Variants in GALNT2 observed in about 807,000 individuals in gnomAD.
The protein encoded by GALNT2 is UDP-GalNAc:polypeptide N-acetylgalactosaminyltransferase 2.
GALNT2 carries 31 observed loss-of-function variants against 81.4 expected under a neutral mutation model. The observed-to-expected ratio is 0.38, with a 90% CI of 0.29 to 0.51. The LOEUF is 0.51. GALNT2 is among the 20% of genes least tolerant of loss of function. The probability of loss-of-function intolerance (pLI) is 0.87; values close to 1 mark genes in which losing one functional copy is unlikely to be tolerated. For missense variants in GALNT2, 629 were observed against 765.7 expected, an observed-to-expected ratio of 0.82 and a Z score of 2.11; for synonymous variants, 303 against 287.4, an observed-to-expected ratio of 1.05 and a Z score of -0.55.
Position 230,139,846 on chromosome 1 carries a change from C to T in GALNT2, c.127-38372C>T, listed in dbSNP as rs1205700882. On this transcript the variant is annotated intron_variant, in intron 1 of 15. Transcript: ENST00000366672. Reference sequence around the variant, plus strand: ...AGAGTTGTTTTGCTTTGGGCTGTTGCGGAAATAATCTACTTGGAATGAAGT... The same window carrying T: ...AGAGTTGTTTTGCTTTGGGCTGTTGTGGAAATAATCTACTTGGAATGAAGT... Among the ~76,000 whole-genome samples, 8 of 152,278 alleles carry T rather than the reference C, an allele frequency of 5.3e-5. No homozygotes were observed. The East Asian group carries it at 7.7e-4, about 15-fold the overall frequency.
At chr1:230,166,775 T>G (rs4846840) in intron 1 of GALNT2, among the ~76,000 whole-genome samples, 96,847 of 152,156 alleles carry the variant, frequency 0.64, 34,005 homozygotes, top group Non-Finnish European at 0.79. Context: ...CAACTGAAGT[T>G]TGAGGTTTCT....
At chr1:230,128,859 C>G (rs953757145) in intron 1 of GALNT2, among the ~76,000 whole-genome samples, 75 of 152,316 alleles carry the variant, frequency 4.9e-4, no homozygotes, top group African/African-American at 1.6e-3. Context: ...AGGGCACCTG[C>G]GCTTTCTGGT....
intron 1 of GALNT2, among the ~76,000 whole-genome samples, chr1:230,134,688 CA>C (rs1248177561): frequency 6.6e-6 from 1 of 152,196 alleles, no homozygotes; most frequent in East Asian, 1.9e-4. Flanking sequence ...AGACATTTCA[CA>C]GTTGTACTCT....
At chr1:230,226,220 G>T (rs942753627) in intron 3 of GALNT2, among the ~76,000 whole-genome samples, 5 of 152,190 alleles carry the variant, frequency 3.3e-5, no homozygotes, top group Non-Finnish European at 5.9e-5. Flanking sequence ...TGAAACAACA[G>T]ACCTTCCTGC....
At position 230,171,916 on chromosome 1, in the gene GALNT2, T is replaced by C. The variant is rs117423989; in HGVS notation, c.127-6302T>C. Among the ~76,000 whole-genome samples, 132 of 151,746 alleles carry C rather than the reference T, an allele frequency of 8.7e-4. No individual in the cohort carries two copies. The East Asian group carries it at 0.025, about 29-fold the overall frequency. ...TGGGCTTCCAACACCTCACAGCCCC[T>C]GCCCCCCACCCCTGTCCCACACAAA... is the stretch of plus-strand genomic sequence containing the variant. On this transcript the variant is annotated intron_variant, in intron 1 of 15. Transcript: ENST00000366672.
At chr1:230,207,097 T>A (rs1255433839) in intron 3 of GALNT2, among the ~76,000 whole-genome samples, 1 of 152,016 alleles carries the variant, frequency 6.6e-6, no homozygotes, top group Non-Finnish European at 1.5e-5. Context: ...GTATCCAGGG[T>A]TGTTATTCAG....
At chr1:230,214,115 CT>C (rs60360198) in intron 3 of GALNT2, among the ~76,000 whole-genome samples, 60 of 145,234 alleles carry the variant, frequency 4.1e-4, no homozygotes, top group South Asian at 1.1e-3. Flanking sequence ...CTTAACTTTA[CT>C]TTTTTTTTTT....
At chr1:230,098,839 A>G (rs986386586) in intron 1 of GALNT2, among the ~76,000 whole-genome samples, 1 of 152,214 alleles carries the variant, frequency 6.6e-6, no homozygotes, top group Non-Finnish European at 1.5e-5. Context: ...TTTAGCCTCC[A>G]CAAGCACTGA....
chr1:230,079,033 T>A (rs907083938), intron 1 of GALNT2, among the ~76,000 whole-genome samples: 10 of 152,202 alleles, frequency 6.6e-5, no homozygotes, highest in African/African-American at 2.4e-4. Context: ...TTATGTTCAG[T>A]CTTTCTGCCA....
chr1:230,262,691 A>T lies in GALNT2; in HGVS notation c.1229+26A>T, dbSNP rs190817493. 3.5e-4 allele frequency: 516 copies of T among 1,493,260 alleles called. 6 individuals carry two copies. In the East Asian group the frequency reaches 8.8e-3, roughly 26 times the overall value. 92.5% of individuals were successfully genotyped at this position (1,493,260 alleles called of 1,614,324 possible). On this transcript the variant is annotated intron_variant, in intron 12 of 15. Coordinates refer to ENST00000366672, the MANE Select transcript of GALNT2 (RefSeq NM_004481.5). ...GTAAGTGGCAGTTCTGCCTTCTCAC[A>T]ATTACTGGGGATTCTTGGGGTGTGG...
intron 11 of GALNT2, among the ~76,000 whole-genome samples, chr1:230,260,893 C>T (rs957559182): frequency 4.6e-5 from 7 of 152,186 alleles, no homozygotes; most frequent in Non-Finnish European, 8.8e-5. Context: ...GTCTCTCTCT[C>T]TTGTTTGCTC....
Position 230,070,735 on chromosome 1 carries a change from G to A in GALNT2, c.126+3329G>A, listed in dbSNP as rs926706917. On this transcript the variant is annotated intron_variant, in intron 1 of 15. Transcript: ENST00000366672. The surrounding 1 kb of genome is among the most constrained non-coding windows in gnomAD (Gnocchi z 4.7). Reference sequence around the variant, plus strand: ...CAGGTTATTTCTTGGAACAGTGAAGGACCTTGCCGGGCTAGACCATGGTAC... The same window carrying A: ...CAGGTTATTTCTTGGAACAGTGAAGAACCTTGCCGGGCTAGACCATGGTAC... Among the ~76,000 whole-genome samples the A allele has an allele frequency of 2.6e-5, 4 of 152,186 alleles. No individual in the cohort carries two copies. Among genetic ancestry groups the A allele is most frequent in the Non-Finnish European group, 5.9e-5 (4 of 68,026 alleles).
At chr1:230,104,268 C>T (rs560554816) in intron 1 of GALNT2, among the ~76,000 whole-genome samples, 29 of 152,212 alleles carry the variant, frequency 1.9e-4, no homozygotes, top group Middle Eastern at 3.4e-3. Context: ...CCTCCTTTCT[C>T]CAAAGGTTAA....
chr1:230,133,345 C>T (rs1023247989), intron 1 of GALNT2, among the ~76,000 whole-genome samples: 1 of 152,192 alleles, frequency 6.6e-6, no homozygotes, highest in African/African-American at 2.4e-5. Flanking sequence ...TACACTCAGA[C>T]CAGAAGACTC....
At chr1:230,170,521 A>G (rs1662758165) in intron 1 of GALNT2, among the ~76,000 whole-genome samples, 3 of 152,244 alleles carry the variant, frequency 2.0e-5, no homozygotes, top group African/African-American at 7.2e-5. Context: ...TGGTTTTAAG[A>G]GAACTTTTGC....
chr1:230,113,178 T>G (rs1288875653), intron 1 of GALNT2, among the ~76,000 whole-genome samples: 1 of 152,190 alleles, frequency 6.6e-6, no homozygotes, highest in Non-Finnish European at 1.5e-5. Flanking sequence ...ACATCGGATC[T>G]GTGCTCTGAA....
intron 2 of GALNT2, among the ~76,000 whole-genome samples, chr1:230,194,317 C>G (rs903172246): frequency 9.9e-5 from 15 of 152,152 alleles, no homozygotes; most frequent in African/African-American, 3.4e-4. Flanking sequence ...GGCAGGGATG[C>G]GTCCTGCAGA....
At chr1:230,197,431 C>A in intron 2 of GALNT2, among the ~76,000 whole-genome samples, 1 of 152,176 alleles carries the variant, frequency 6.6e-6, no homozygotes, top group East Asian at 1.9e-4. Context: ...TGCTCGCCCC[C>A]CCGGGGTCAG....
intron 1 of GALNT2, among the ~76,000 whole-genome samples, chr1:230,176,712 A>G (rs2102863094): frequency 6.6e-6 from 1 of 152,346 alleles, no homozygotes; most frequent in Non-Finnish European, 1.5e-5. Flanking sequence ...GTAAATTGAA[A>G]GTTTCTTTAT....
Sources: gnomAD v4.1 joint callset for allele counts (sites outside exome capture counted in the v4.1 genomes callset) on GRCh38, gnomAD v4.1.1 for gene constraint, Gnocchi (gnomAD v3.1) non-coding constraint, MANE v1.5 for transcripts, NCBI Gene and HGNC (gene_info 2026-07-23, HGNC 2026-07-21) for gene names.